The following KAZN variants were observed in gnomAD, a reference collection of about 807,000 sequenced individuals.
KAZN encodes kazrin.
In KAZN, 40 loss-of-function variants were observed where a neutral mutation model predicts 87.4. That is an observed-to-expected ratio of 0.46 (90% CI 0.36 to 0.60). The LOEUF (loss-of-function observed/expected upper bound fraction) is 0.60. Among genes scored for constraint, KAZN ranks in the 20% least tolerant of loss-of-function variants. The pLI is 0.00. For synonymous variants in KAZN, 466 were observed against 458.3 expected, an observed-to-expected ratio of 1.02 and a Z score of -0.22; for missense variants, 898 against 1,073.9, an observed-to-expected ratio of 0.84 and a Z score of 2.29.
At chr1:13,931,087 G>A (rs1640493145) in intron 1 of KAZN, among the ~76,000 whole-genome samples, 2 of 152,232 alleles carry the variant, frequency 1.3e-5, no homozygotes, top group Admixed American at 1.3e-4. Flanking sequence ...CAGAGCATCT[G>A]TGTACAAAGT....
intron 2 of KAZN, among the ~76,000 whole-genome samples, chr1:14,425,155 A>T (rs1423649460): frequency 6.6e-6 from 1 of 152,082 alleles, no homozygotes; most frequent in Non-Finnish European, 1.5e-5. Context: ...GCCAACCTGA[A>T]CCCAGCTGGG....
chr1:14,547,783 G>T (rs571730528), intron 2 of KAZN, among the ~76,000 whole-genome samples: 9 of 152,018 alleles, frequency 5.9e-5, no homozygotes, highest in African/African-American at 9.6e-5. Context: ...TAGAGACAGG[G>T]TTTCACCATG....
At chr1:14,526,889 G>T (rs1671896252) in intron 2 of KAZN, among the ~76,000 whole-genome samples, 1 of 152,182 alleles carries the variant, frequency 6.6e-6, no homozygotes. Context: ...TTGGGCAACA[G>T]GACAGGCCAC....
At chr1:14,105,545 A>G (rs916536248) in intron 1 of KAZN, among the ~76,000 whole-genome samples, 1 of 152,112 alleles carries the variant, frequency 6.6e-6, no homozygotes, top group Admixed American at 6.5e-5. Context: ...CTCATCCCCT[A>G]ACCTATTAGT....
chr1:14,120,298 C>G (rs779175500), intron 1 of KAZN, among the ~76,000 whole-genome samples: 1 of 152,030 alleles, frequency 6.6e-6, no homozygotes, highest in East Asian at 1.9e-4. Flanking sequence ...GCCGTGCACT[C>G]TTTTAAACAA....
chr1:14,285,454 T>G (rs1653169984), intron 2 of KAZN, among the ~76,000 whole-genome samples: 1 of 152,206 alleles, frequency 6.6e-6, no homozygotes, highest in Non-Finnish European at 1.5e-5. Flanking sequence ...TGGCCAAGAC[T>G]GAGGCTCAGG....
At chr1:14,270,422 C>T (rs1651826875) in intron 2 of KAZN, among the ~76,000 whole-genome samples, 1 of 152,172 alleles carries the variant, frequency 6.6e-6, no homozygotes, top group African/African-American at 2.4e-5. Context: ...TCTTAGACAC[C>T]TTGGGCAAAA....
At chr1:14,261,220 G>A (rs1252734480) in intron 2 of KAZN, among the ~76,000 whole-genome samples, 1 of 152,064 alleles carries the variant, frequency 6.6e-6, no homozygotes. Context: ...GAATCTTGCT[G>A]GTCTGAGACT....
At chr1:14,515,158 A>AG (rs1259709007) in intron 2 of KAZN, among the ~76,000 whole-genome samples, 1 of 152,174 alleles carries the variant, frequency 6.6e-6, no homozygotes, top group African/African-American at 2.4e-5. Context: ...CTTACCAATG[A>AG]AATCAGGAAA....
intron 1 of KAZN, among the ~76,000 whole-genome samples, chr1:14,758,065 A>T (rs1353650727): frequency 6.6e-6 from 1 of 151,972 alleles, no homozygotes; most frequent in East Asian, 1.9e-4. Flanking sequence ...AATGGACTTC[A>T]CTGCCTCTTG....
rs1037924436 is a variant in KAZN at position 14,239,839 on chromosome 1, A to G, written c.249+59247A>G. On this transcript the variant is annotated intron_variant, in intron 2 of 16. Coordinates refer to the KAZN transcript ENST00000636203. ...GCTTGGAGACATTTTTGGTTGCCAC[A>G]ACCAACAATGGGTGGGAAGAGATGG... Among the ~76,000 whole-genome samples, 23 of 152,198 alleles carry G rather than the reference A, an allele frequency of 1.5e-4. No individual in the cohort carries two copies. In the South Asian group the frequency reaches 4.4e-3, roughly 29 times the overall value.
intron 1 of KAZN, among the ~76,000 whole-genome samples, chr1:13,921,579 C>G (rs1640068588): frequency 6.6e-6 from 1 of 152,168 alleles, no homozygotes; most frequent in South Asian, 2.1e-4. Context: ...TTATCCTCAT[C>G]CCTTGTAGTC....
At chr1:14,827,286 G>A (rs1646918893) in intron 1 of KAZN, among the ~76,000 whole-genome samples, 1 of 152,014 alleles carries the variant, frequency 6.6e-6, no homozygotes, top group Non-Finnish European at 1.5e-5. Flanking sequence ...AAGTGTTTGG[G>A]GTACAGGTGG....
chr1:14,048,123 A>G (rs1642156963), intron 1 of KAZN, among the ~76,000 whole-genome samples: 1 of 152,176 alleles, frequency 6.6e-6, no homozygotes, highest in South Asian at 2.1e-4. Flanking sequence ...CTCTATCACA[A>G]AGGTGGGAAA....
intron 2 of KAZN, among the ~76,000 whole-genome samples, chr1:14,427,639 ATG>A (rs1491217615): frequency 2.0e-5 from 1 of 49,226 alleles, no homozygotes; most frequent in African/African-American, 1.1e-4. Flanking sequence ...ATGTGCACAC[ATG>A]TTAGTAAAAA....
At chr1:14,411,703 G>A (rs1434667783) in intron 2 of KAZN, among the ~76,000 whole-genome samples, 1 of 152,064 alleles carries the variant, frequency 6.6e-6, no homozygotes, top group Non-Finnish European at 1.5e-5. Flanking sequence ...GACACAGTGA[G>A]GTACAGGAAG....
chr1:14,453,624 T>C (rs112446708), intron 2 of KAZN, among the ~76,000 whole-genome samples: 6,310 of 152,132 alleles, frequency 0.041, 438 homozygotes, highest in African/African-American at 0.14. Flanking sequence ...TCACTTGAGG[T>C]CAGGAGTTTG....
intron 1 of KAZN, among the ~76,000 whole-genome samples, chr1:13,975,048 G>T (rs375166222): frequency 3.0e-4 from 45 of 152,204 alleles, no homozygotes; most frequent in African/African-American, 1.1e-3. Flanking sequence ...CACTTTCCAT[G>T]TTCTAGGCAC....
chr1:14,453,653 T>A (rs563925955), intron 2 of KAZN, among the ~76,000 whole-genome samples: 1 of 152,198 alleles, frequency 6.6e-6, no homozygotes, highest in African/African-American at 2.4e-5. Flanking sequence ...CTGGCCAACA[T>A]GGCAAAACCC....
Sources: gnomAD v4.1 joint callset for allele counts (sites outside exome capture counted in the v4.1 genomes callset) on GRCh38, gnomAD v4.1.1 for gene constraint, MANE v1.5 for transcripts, NCBI Gene and HGNC (gene_info 2026-07-23, HGNC 2026-07-21) for gene names.